FHIT: variants seen among roughly 807,000 people sequenced by gnomAD.
The protein encoded by FHIT is fragile histidine triad diadenosine triphosphatase.
FHIT carries 19 observed loss-of-function variants against 17.9 expected under a neutral mutation model. The observed-to-expected ratio is 1.06, with a 90% CI of 0.74 to 1.56. The LOEUF (loss-of-function observed/expected upper bound fraction) is 1.56. Ranked by LOEUF, FHIT falls within the 40% of genes most tolerant of loss-of-function variation. The pLI, the probability that FHIT is intolerant of heterozygous loss-of-function variation, is 0.00. For missense variants in FHIT, 248 were observed against 189.2 expected (o/e 1.31, Z -1.82); for synonymous variants, 81 against 69.7 (o/e 1.16, Z -0.81).
At chr3:60,339,708 T>C (rs141863743) in intron 5 of FHIT, among the ~76,000 whole-genome samples, 2 of 152,312 alleles carry the variant, frequency 1.3e-5, no homozygotes, top group South Asian at 2.1e-4. Flanking sequence ...AAAACACTAG[T>C]GACTGAAATT....
intron 4 of FHIT, chr3:60,732,668 G>A (rs72876942): frequency 0.071 from 26,391 of 372,768 alleles, 1,288 homozygotes; most frequent in Middle Eastern, 0.11. Flanking sequence ...GGCAGTGGCA[G>A]CGTCTGCAAA....
At chr3:60,664,759 A>T (rs2040343853) in intron 4 of FHIT, among the ~76,000 whole-genome samples, 1 of 149,488 alleles carries the variant, frequency 6.7e-6, no homozygotes, top group African/African-American at 2.5e-5. Flanking sequence ...TTCGTTGAAT[A>T]TATGAGTGTA....
At chr3:60,501,674 G>A (rs573584226) in intron 5 of FHIT, among the ~76,000 whole-genome samples, 55 of 152,148 alleles carry the variant, frequency 3.6e-4, no homozygotes, top group African/African-American at 1.3e-3. Context: ...AACACCCTAG[G>A]TGATGCTCGG....
chr3:60,550,594 C>T (rs896768291), intron 4 of FHIT, among the ~76,000 whole-genome samples: 1 of 138,996 alleles, frequency 7.2e-6, no homozygotes, highest in African/African-American at 2.7e-5. Context: ...CATCAGTTAC[C>T]TCTTCTCTGT....
At chr3:61,227,157 GA>G (rs1305113889) in intron 1 of FHIT, among the ~76,000 whole-genome samples, 2 of 152,176 alleles carry the variant, frequency 1.3e-5, no homozygotes, top group Non-Finnish European at 2.9e-5. Context: ...TTTCTCCTCA[GA>G]ATGTTTCCTT....
intron 4 of FHIT, among the ~76,000 whole-genome samples, chr3:60,757,704 G>C (rs1180367158): frequency 6.6e-6 from 1 of 152,192 alleles, no homozygotes; most frequent in South Asian, 2.1e-4. Flanking sequence ...CCCCTCATGG[G>C]TCTGGTATAC....
chr3:61,000,134 C>T (rs1270543466), intron 3 of FHIT, among the ~76,000 whole-genome samples: 1 of 152,094 alleles, frequency 6.6e-6, no homozygotes, highest in Non-Finnish European at 1.5e-5. Context: ...AAGGGAGGGG[C>T]CTTTTTACCC....
chr3:60,318,451 A>T (rs1709268228), intron 5 of FHIT, among the ~76,000 whole-genome samples: 1 of 152,242 alleles, frequency 6.6e-6, no homozygotes, highest in African/African-American at 2.4e-5. Context: ...CTTCACAGAA[A>T]GAAACCAGTT....
At chr3:60,495,674 A>G (rs1229230156) in intron 5 of FHIT, among the ~76,000 whole-genome samples, 1 of 152,198 alleles carries the variant, frequency 6.6e-6, no homozygotes, top group African/African-American at 2.4e-5. Context: ...CATGTATTCA[A>G]TGCCATTCCT....
chr3:60,441,757 A>ATATATATATATTTATATATATAAATATAT (rs1336572305), intron 5 of FHIT, among the ~76,000 whole-genome samples: 1 of 55,944 alleles, frequency 1.8e-5, no homozygotes, highest in Non-Finnish European at 3.7e-5. Context: ...TATATATAAA[A>ATATATATATATTTATATATATAAATATAT]ATATATATAT....
At chr3:60,189,220 T>G (rs1015096811) in intron 5 of FHIT, among the ~76,000 whole-genome samples, 25 of 151,678 alleles carry the variant, frequency 1.6e-4, no homozygotes, top group African/African-American at 6.0e-4. Context: ...CTGACAGGTG[T>G]TCAATTTAGA....
At chr3:59,885,609 T>C (rs1221643880) in intron 8 of FHIT, among the ~76,000 whole-genome samples, 1 of 152,122 alleles carries the variant, frequency 6.6e-6, no homozygotes, top group Non-Finnish European at 1.5e-5. Flanking sequence ...CAGCTTCACA[T>C]CCTAACTGCA....
At chr3:60,744,429 C>A (rs1233159903) in intron 4 of FHIT, among the ~76,000 whole-genome samples, 3 of 151,602 alleles carry the variant, frequency 2.0e-5, no homozygotes, top group African/African-American at 4.9e-5. Flanking sequence ...AACGAAAGCT[C>A]ATTTATACAC....
chr3:60,733,763 A>T (rs2042080294), intron 4 of FHIT, among the ~76,000 whole-genome samples: 1 of 152,156 alleles, frequency 6.6e-6, no homozygotes. Context: ...TAGATTTCTA[A>T]TGCCGAGGAC....
chr3:60,544,699 C>T (rs901638097), intron 4 of FHIT, among the ~76,000 whole-genome samples: 3 of 148,828 alleles, frequency 2.0e-5, no homozygotes, highest in Non-Finnish European at 3.0e-5. Flanking sequence ...CCGGTTCAAG[C>T]GATTCTCCTG....
chr3:60,617,820 AG>A (rs1481064062), intron 4 of FHIT: 1 of 151,502 alleles, frequency 6.6e-6, no homozygotes, highest in Non-Finnish European at 1.5e-5. Flanking sequence ...TTGGTGCAAA[AG>A]TAACTATGGT....
At chr3:60,454,516 C>T (rs1269977657) in intron 5 of FHIT, among the ~76,000 whole-genome samples, 1 of 151,812 alleles carries the variant, frequency 6.6e-6, no homozygotes. Context: ...TCTCGAGTAG[C>T]TGGGACTACA....
chr3:60,664,732 G>C (rs1553692037), intron 4 of FHIT, among the ~76,000 whole-genome samples: 1 of 144,752 alleles, frequency 6.9e-6, no homozygotes, highest in Non-Finnish European at 1.5e-5. Context: ...TTTAGAAATT[G>C]GTCTATTTCT....
intron 3 of FHIT, among the ~76,000 whole-genome samples, chr3:60,967,413 G>A (rs943131249): frequency 6.6e-6 from 1 of 152,170 alleles, no homozygotes; most frequent in South Asian, 2.1e-4. Context: ...TGTCAAATTT[G>A]ACAGGAAGGA....
Sources: allele counts gnomAD v4.1 joint callset (sites outside exome capture counted in the v4.1 genomes callset), GRCh38; gene constraint gnomAD v4.1.1; transcripts MANE v1.5; gene names NCBI Gene and HGNC (gene_info 2026-07-23, HGNC 2026-07-21).